The following POLA1 variants were observed in gnomAD, a reference collection of about 807,000 sequenced individuals.
POLA1 encodes the protein DNA polymerase alpha catalytic subunit.
POLA1 carries 15 observed loss-of-function variants against 124.0 expected under a neutral mutation model. The ratio of observed to expected loss-of-function variants is 0.12; its 90% CI spans 0.08 to 0.19. POLA1 has a LOEUF of 0.19. Among genes scored for constraint, POLA1 ranks in the 10% least tolerant of loss-of-function variants. The pLI is 1.00. For missense variants in POLA1, 886 were observed against 1,103.4 expected (o/e 0.80, Z 2.79); for synonymous variants, 408 against 389.4 (o/e 1.05, Z -0.56).
intron 34 of POLA1, among the ~76,000 whole-genome samples, chrX:24,849,047 A>C (rs908980167): frequency 1.8e-5 from 2 of 113,383 alleles, no homozygotes; most frequent in African/African-American, 6.4e-5. Context: ...TGCAATATGC[A>C]GTAGAATCAC....
chrX:24,735,633 G>GA (rs1367247175), intron 18 of POLA1, 145 bp downstream of exon 18: 26 of 372,921 alleles, frequency 7.0e-5, no homozygotes, highest in Middle Eastern at 4.8e-4. Flanking sequence ...GCTAATAGGA[G>GA]AAAAAAATAG....
At chrX:24,870,090 G>A (rs1298471656) in intron 34 of POLA1, among the ~76,000 whole-genome samples, 1 of 112,130 alleles carries the variant, frequency 8.9e-6, no homozygotes, top group Non-Finnish European at 1.9e-5. Context: ...TGGGCCAGAA[G>A]AAGGATGAAT....
intron 36 of POLA1, among the ~76,000 whole-genome samples, chrX:24,973,911 T>C (rs1254297662): frequency 9.0e-6 from 1 of 111,519 alleles, no homozygotes; most frequent in Non-Finnish European, 1.9e-5. Context: ...GTCGTGAATT[T>C]AGTATTTGAC....
At chrX:24,932,246 A>G (rs1213952801) in intron 36 of POLA1, among the ~76,000 whole-genome samples, 3 of 112,215 alleles carry the variant, frequency 2.7e-5, no homozygotes, top group Non-Finnish European at 3.8e-5. Context: ...TGTTTTCTAT[A>G]TGTTATTTGA....
At chrX:24,960,801 A>G (rs2048160239) in intron 36 of POLA1, among the ~76,000 whole-genome samples, 1 of 111,865 alleles carries the variant, frequency 8.9e-6, no homozygotes, top group East Asian at 2.8e-4. Context: ...TGAGGTATTT[A>G]TCAGTGAGGA....
intron 35 of POLA1, among the ~76,000 whole-genome samples, chrX:24,901,892 C>T (rs894573417): frequency 9.0e-6 from 1 of 111,644 alleles, no homozygotes; most frequent in Non-Finnish European, 1.9e-5. Context: ...TATCCTTACT[C>T]TTAATAGACT....
rs371458274 is a variant in POLA1 at position 24,699,491 on chromosome X, G to A, written c.110G>A (p.Arg37His). 59 of 1,180,803 alleles carry A rather than the reference G, an allele frequency of 5.0e-5. No homozygotes were observed. The highest frequency in any genetic ancestry group is 2.3e-4 in the Middle Eastern group (1 of 4,269). Residue 37 changes from arginine (R) to histidine (H), a missense_variant, in exon 2 of 37, where the codon CGC (arginine) becomes CAC (histidine). This residue lies in a region of POLA1 where 49 missense variants were observed against 39.2 expected (regional missense o/e 1.25). Transcript: ENST00000379068. ...ARREKKSKKG[R>H]QEALERLKKA... ...CGAGAAAAAAAATCAAAGAAGGGGC[G>A]CCAAGAAGCCCTAGAAAGACTGAAA...
chrX:24,995,689 C>A, intron 36 of POLA1, 116 bp from the exon 37 acceptor site: 1 of 651,508 alleles, frequency 1.5e-6, no homozygotes, highest in Non-Finnish European at 2.4e-6. Context: ...CAGGGGTAGA[C>A]CAGAGATAAG....
chrX:24,872,504 G>C (rs1324633064), intron 34 of POLA1, among the ~76,000 whole-genome samples: 10 of 111,625 alleles, frequency 9.0e-5, no homozygotes, highest in African/African-American at 3.3e-4. Context: ...GTTCCCCTAA[G>C]TTTATCCATA....
At chrX:24,956,444 C>T (rs73207279) in intron 36 of POLA1, among the ~76,000 whole-genome samples, 2,286 of 108,921 alleles carry the variant, frequency 0.021, 27 homozygotes, top group South Asian at 0.035. Context: ...GGGGAAAAAC[C>T]GAAAGTTGAA....
intron 35 of POLA1, among the ~76,000 whole-genome samples, chrX:24,925,071 A>G (rs2047671384): frequency 8.9e-6 from 1 of 112,344 alleles, no homozygotes; most frequent in Admixed American, 9.4e-5. Flanking sequence ...GCTATATGGT[A>G]TGATACCTAG....
intron 36 of POLA1, among the ~76,000 whole-genome samples, chrX:24,951,894 G>A (rs941647171): frequency 2.7e-5 from 3 of 111,762 alleles, no homozygotes; most frequent in Non-Finnish European, 5.6e-5. Flanking sequence ...TAAAATAGAA[G>A]AGTTTCTTGT....
At chrX:24,949,838 G>A (rs1389642480) in intron 36 of POLA1, among the ~76,000 whole-genome samples, 24 of 107,675 alleles carry the variant, frequency 2.2e-4, no homozygotes, top group African/African-American at 6.8e-4. Context: ...GGGTTCAAGC[G>A]ATTCTCCTGC....
intron 1 of POLA1, among the ~76,000 whole-genome samples, chrX:24,696,328 A>C (rs1187832582): frequency 8.9e-6 from 1 of 112,179 alleles, no homozygotes; most frequent in East Asian, 2.8e-4. Context: ...AGGAACAGTG[A>C]GTGAAATTGT....
intron 26 of POLA1, among the ~76,000 whole-genome samples, chrX:24,757,436 CTTTT>C (rs66782103): frequency 0.26 from 15,970 of 62,160 alleles, 1,422 homozygotes; most frequent in South Asian, 0.38. Context: ...AAATCTGAAA[CTTTT>C]TTTTTTTTTT....
intron 26 of POLA1, among the ~76,000 whole-genome samples, chrX:24,781,102 C>A (rs1184205626): frequency 8.9e-6 from 1 of 111,786 alleles, no homozygotes; most frequent in African/African-American, 3.2e-5. Context: ...CCCTTTTTAT[C>A]CTTTTAATAT....
chrX:24,944,193 C>T (rs1390993332), intron 36 of POLA1, among the ~76,000 whole-genome samples: 1 of 111,986 alleles, frequency 8.9e-6, no homozygotes, highest in East Asian at 2.8e-4. Context: ...CAAAGCTTTT[C>T]ATGGGTATAT....
intron 26 of POLA1, among the ~76,000 whole-genome samples, chrX:24,796,089 A>T (rs1188571938): frequency 9.0e-6 from 1 of 111,124 alleles, no homozygotes; most frequent in Non-Finnish European, 1.9e-5. Flanking sequence ...TCTCCAGTGC[A>T]GAAGAGAGGC....
At chrX:24,792,060 T>C (rs1444728431) in intron 26 of POLA1, among the ~76,000 whole-genome samples, 3 of 112,528 alleles carry the variant, frequency 2.7e-5, no homozygotes, top group Non-Finnish European at 5.6e-5. Flanking sequence ...GGTACTCTTA[T>C]AACAGAAAAT....
Sources: gnomAD v4.1 joint callset for allele counts (sites outside exome capture counted in the v4.1 genomes callset) on GRCh38, gnomAD v4.1.1 for gene constraint, gnomAD v4.1.1 regional missense constraint, MANE v1.5 for transcripts, NCBI Gene and HGNC (gene_info 2026-07-23, HGNC 2026-07-21) for gene names.